SGK1: variants seen among roughly 807,000 people sequenced by gnomAD.
The protein encoded by SGK1 is serum/glucocorticoid regulated kinase 1, also known as serine/threonine-protein kinase Sgk1.
SGK1 carries 26 observed loss-of-function variants against 64.2 expected under a neutral mutation model. The observed-to-expected ratio is 0.40, with a 90% CI of 0.30 to 0.56. The LOEUF (loss-of-function observed/expected upper bound fraction) is 0.56. Among genes scored for constraint, SGK1 ranks in the 20% least tolerant of loss-of-function variants. The probability of loss-of-function intolerance (pLI) is 0.38; values close to 1 mark genes in which losing one functional copy is unlikely to be tolerated. For synonymous variants in SGK1, 265 were observed against 239.7 expected (o/e 1.11, Z -0.98); for missense variants, 519 against 645.6 (o/e 0.80, Z 2.12).
At position 134,207,490 on chromosome 6, in the gene SGK1, T is replaced by G. The variant is rs374362460; in HGVS notation, c.286-59A>C. ...AAATGGCTTCATCATTTCAGCTATT[T>G]TAGGCTTATAGTTCTAGAGAAAGGA... On this transcript the variant is annotated intron_variant, in intron 2 of 13. Transcript: ENST00000367858. The G allele has an allele frequency of 9.4e-6, 11 of 1,167,592 alleles. No homozygotes were observed. In the South Asian group the frequency reaches 1.0e-4, roughly 11 times the overall value. 72.3% of individuals were successfully genotyped at this position (1,167,592 alleles called of 1,614,324 possible).
At chr6:134,296,921 C>A in intron 1 of SGK1, 1 of 287,052 alleles carries the variant, frequency 3.5e-6, no homozygotes, top group South Asian at 2.8e-5. Context: ...CCTGTCCTAC[C>A]CTGCACAGGG....
chr6:134,251,683 C>T (rs1459831178), intron 2 of SGK1, among the ~76,000 whole-genome samples: 2 of 152,142 alleles, frequency 1.3e-5, no homozygotes. Flanking sequence ...ACGAGTGCAG[C>T]CAGAAACTTG....
In SGK1 at chr6:134,252,676, A is replaced by G. The variant is rs1474489961; in HGVS notation, c.285+9257T>C. Among the ~76,000 whole-genome samples the G allele has an allele frequency of 2.0e-5, 3 of 151,374 alleles. No individual in the cohort carries two copies. The East Asian group carries it at 5.8e-4, about 29-fold the overall frequency. ...GGATTGTAAGGTAATTTAAATCTACATAGAAATAATTCATCTAAGTTTATT... is the reference window on the plus strand; with the variant it reads ...GGATTGTAAGGTAATTTAAATCTACGTAGAAATAATTCATCTAAGTTTATT... On this transcript the variant is annotated intron_variant, in intron 2 of 13. Coordinates refer to ENST00000367858, the MANE Select transcript of SGK1 (RefSeq NM_001143676.3).
At chr6:134,172,406 G>T in intron 9 of SGK1, 90 bp from the exon 10 acceptor site, 1 of 1,311,032 alleles carries the variant, frequency 7.6e-7, no homozygotes, top group Non-Finnish European at 1.1e-6. Context: ...GGTATTAGAG[G>T]CATTTTAGGT....
Position 134,175,169 on chromosome 6 carries a change from C to T in SGK1, c.362-583G>A, listed in dbSNP as rs1355891599. 1.3e-5 allele frequency among the ~76,000 whole-genome samples: 2 copies of T among 152,160 alleles called. 1 individual carries two copies. Among genetic ancestry groups the T allele is most frequent in the Non-Finnish European group, 2.9e-5 (2 of 68,012 alleles). On this transcript the variant is annotated intron_variant, in intron 3 of 13. Transcript: ENST00000367858. ...AGGGCGCGGGGAGGGCCGGAGAGCC[C>T]GGGGTAGTTTTCCACCTCTCTCATT...
At chr6:134,306,749 C>T (rs1395262534) in intron 1 of SGK1, among the ~76,000 whole-genome samples, 4 of 151,928 alleles carry the variant, frequency 2.6e-5, no homozygotes, top group African/African-American at 4.8e-5. Context: ...GTCTCGAATC[C>T]GCTCGCCTCA....
chr6:134,249,219 A>G (rs1302994060), intron 2 of SGK1, among the ~76,000 whole-genome samples: 1 of 152,208 alleles, frequency 6.6e-6, no homozygotes. Context: ...TCTCTCGTCT[A>G]TTCTTTATTC....
At chr6:134,211,942 T>A (rs1406797607) in intron 2 of SGK1, among the ~76,000 whole-genome samples, 1 of 151,332 alleles carries the variant, frequency 6.6e-6, no homozygotes, top group Non-Finnish European at 1.5e-5. Context: ...GAATCCCTTC[T>A]CAGGATTTAT....
chr6:134,282,051 C>G (rs1777102110), intron 1 of SGK1, among the ~76,000 whole-genome samples: 1 of 152,136 alleles, frequency 6.6e-6, no homozygotes, highest in African/African-American at 2.4e-5. Context: ...ATTCTCTGGA[C>G]TACTTGGGTA....
intron 2 of SGK1, among the ~76,000 whole-genome samples, chr6:134,257,411 C>A (rs1355432735): frequency 6.6e-6 from 1 of 152,102 alleles, no homozygotes; most frequent in Non-Finnish European, 1.5e-5. Context: ...CTCAAAAAAA[C>A]CCAACAAACA....
chr6:134,201,968 C>A (rs570272008), intron 3 of SGK1, among the ~76,000 whole-genome samples: 1 of 151,926 alleles, frequency 6.6e-6, no homozygotes, highest in Non-Finnish European at 1.5e-5. Flanking sequence ...AAACTACTAG[C>A]GAACTAGAAG....
chr6:134,223,261 G>A (rs368109256), intron 2 of SGK1, among the ~76,000 whole-genome samples: 4 of 151,884 alleles, frequency 2.6e-5, no homozygotes, highest in African/African-American at 7.3e-5. Context: ...CCAGCTTCTC[G>A]GGGGGCTGAG....
chr6:134,303,715 T>C (rs1335797819), intron 1 of SGK1, among the ~76,000 whole-genome samples: 2 of 151,464 alleles, frequency 1.3e-5, no homozygotes, highest in African/African-American at 4.9e-5. Context: ...GCCAAGGAGG[T>C]TGAGGCTGCA....
chr6:134,173,193 AC>A, intron 7 of SGK1, 39 bp from the exon 8 acceptor site: 1 of 1,610,456 alleles, frequency 6.2e-7, no homozygotes, highest in Non-Finnish European at 8.5e-7. Context: ...GCATGTTTCA[AC>A]TTGGCACCAA....
intron 2 of SGK1, among the ~76,000 whole-genome samples, chr6:134,216,903 C>G (rs1775995063): frequency 6.6e-6 from 1 of 152,110 alleles, no homozygotes; most frequent in Non-Finnish European, 1.5e-5. Flanking sequence ...GAACAAAACT[C>G]AACAAGGCAC....
intron 2 of SGK1, chr6:134,218,672 T>C (rs1776028708): frequency 6.6e-6 from 1 of 152,092 alleles, no homozygotes; most frequent in Non-Finnish European, 1.5e-5. Flanking sequence ...CCTGAAATGA[T>C]CCACCCACCT....
At chr6:134,193,447 C>G (rs1346134943) in intron 3 of SGK1, among the ~76,000 whole-genome samples, 2 of 151,964 alleles carry the variant, frequency 1.3e-5, no homozygotes, top group African/African-American at 4.8e-5. Flanking sequence ...GAAATAAATT[C>G]CCGGTCTTGC....
rs558578286 is a variant in SGK1 at position 134,175,561 on chromosome 6, A to G, written c.362-975T>C. The G allele has an allele frequency of 1.2e-4, 188 of 1,554,972 alleles. No individual in the cohort carries two copies. The African/African-American group carries it at 2.0e-3, about 16-fold the overall frequency. On this transcript the variant is annotated intron_variant, in intron 3 of 13. Coordinates refer to ENST00000367858, the MANE Select transcript of SGK1 (RefSeq NM_001143676.3). ...GCGCTTACCCAGTCCGCTCAGCAGG[A>G]AGGACTCGCTCCTTTTCTGCGCCTC...
At chr6:134,272,826 C>A (rs1402956103) in intron 1 of SGK1, among the ~76,000 whole-genome samples, 1 of 148,184 alleles carries the variant, frequency 6.7e-6, no homozygotes, top group Non-Finnish European at 1.5e-5. Flanking sequence ...ATGAAGCTTG[C>A]ACAAAGATGC....
Sources: gnomAD v4.1 joint callset for allele counts (sites outside exome capture counted in the v4.1 genomes callset) on GRCh38, gnomAD v4.1.1 for gene constraint, MANE v1.5 for transcripts, NCBI Gene and HGNC (gene_info 2026-07-23, HGNC 2026-07-21) for gene names.